ARSG: variants seen among roughly 807,000 people sequenced by gnomAD.
ARSG encodes the protein ASG.
A neutral mutation model predicts 50.5 loss-of-function variants in ARSG; 37 were observed. That is an observed-to-expected ratio of 0.73 (90% CI 0.56 to 0.96). ARSG has a LOEUF of 0.96. Among genes scored for constraint, ARSG ranks in the 50% least tolerant of loss-of-function variants. The probability of loss-of-function intolerance (pLI) is 0.00; values close to 1 mark genes in which losing one functional copy is unlikely to be tolerated. For missense variants in ARSG, 629 were observed against 675.3 expected, an observed-to-expected ratio of 0.93 and a Z score of 0.76; for synonymous variants, 225 against 254.6, an observed-to-expected ratio of 0.88 and a Z score of 1.11.
intron 9 of ARSG, among the ~76,000 whole-genome samples, chr17:68,386,967 CGGT>C (rs2080757370): frequency 6.6e-6 from 1 of 151,788 alleles, no homozygotes; most frequent in South Asian, 2.1e-4. Context: ...CACACCGTAT[CGGT>C]ACCTCCTAGG....
chr17:68,404,409 G>A (rs2081615806), intron 11 of ARSG, among the ~76,000 whole-genome samples: 1 of 152,326 alleles, frequency 6.6e-6, no homozygotes, highest in African/African-American at 2.4e-5. Flanking sequence ...ATAATTTGGT[G>A]AGGTTTTATA....
At chr17:68,449,744 C>CAGA in the ARSG span, among the ~76,000 whole-genome samples, 1 of 152,220 alleles carries the variant, frequency 6.6e-6, no homozygotes, top group African/African-American at 2.4e-5. Context: ...GTACAGCCTG[C>CAGA]AGAACCTTGA....
intron 1 of ARSG, among the ~76,000 whole-genome samples, chr17:68,306,314 A>ATT (rs1555764030): frequency 5.3e-5 from 8 of 151,102 alleles, no homozygotes; most frequent in African/African-American, 1.9e-4. Flanking sequence ...AATTTCTTGA[A>ATT]CCCGGGAGGC....
At chr17:68,440,793 T>G in the ARSG span, 1 of 152,216 alleles carries the variant, frequency 6.6e-6, no homozygotes, top group Non-Finnish European at 1.5e-5. Context: ...ATTCTCATCT[T>G]GGTATTTAAA....
chr17:68,328,281 G>C (rs188574321), intron 2 of ARSG, among the ~76,000 whole-genome samples: 61 of 152,230 alleles, frequency 4.0e-4, no homozygotes, highest in Admixed American at 3.7e-3. Flanking sequence ...AACCTACTCT[G>C]TGCTGGATGC....
intron 2 of ARSG, among the ~76,000 whole-genome samples, chr17:68,318,717 C>G (rs2077167810): frequency 6.6e-6 from 1 of 152,162 alleles, no homozygotes; most frequent in Admixed American, 6.6e-5. Context: ...CTGCTTTCCC[C>G]CTTCTCTACC....
At chr17:68,435,677 T>C in the ARSG span, 2 of 1,614,216 alleles carry the variant, frequency 1.2e-6, no homozygotes, top group Non-Finnish European at 1.7e-6. Context: ...TGGCAGCTAG[T>C]GTTCCCTCAT....
chr17:68,272,634 C>G, intron 1 of ARSG: 1 of 1,613,746 alleles, frequency 6.2e-7, no homozygotes, highest in Non-Finnish European at 8.5e-7. Flanking sequence ...TTGTAGTCCA[C>G]CTACCTGGTG....
intron 9 of ARSG, 108 bp downstream of exon 9, chr17:68,385,280 C>G: frequency 2.2e-6 from 2 of 900,544 alleles, no homozygotes; most frequent in African/African-American, 1.6e-5. Context: ...GCATGGGTGG[C>G]TAGAGGCCTC....
chr17:68,419,944 G>C (rs2082659266), intron 11 of ARSG, among the ~76,000 whole-genome samples: 1 of 152,114 alleles, frequency 6.6e-6, no homozygotes, highest in Admixed American at 6.6e-5. Flanking sequence ...GGGCAACGAA[G>C]CCAGACCCTG....
At chr17:68,366,872 C>T (rs1369889516) in intron 6 of ARSG, among the ~76,000 whole-genome samples, 1 of 152,116 alleles carries the variant, frequency 6.6e-6, no homozygotes, top group Non-Finnish European at 1.5e-5. Flanking sequence ...TGAAACTGTA[C>T]CCATGAAACA....
chr17:68,440,921 T>C, the ARSG span: 2 of 152,336 alleles, frequency 1.3e-5, no homozygotes, highest in African/African-American at 4.8e-5. Flanking sequence ...GACATCTTCT[T>C]TGTACAGCAA....
intron 11 of ARSG, among the ~76,000 whole-genome samples, chr17:68,403,576 A>C (rs907804789): frequency 6.6e-6 from 1 of 152,220 alleles, no homozygotes; most frequent in Non-Finnish European, 1.5e-5. Flanking sequence ...CATCTACTAC[A>C]TTAGATTAGA....
intron 6 of ARSG, among the ~76,000 whole-genome samples, chr17:68,362,130 A>C (rs2079319312): frequency 6.6e-6 from 1 of 152,072 alleles, no homozygotes; most frequent in East Asian, 1.9e-4. Flanking sequence ...TCATGAGCTC[A>C]TGCCTGGGAT....
At chr17:68,301,142 T>C (rs2076402389) in intron 1 of ARSG, among the ~76,000 whole-genome samples, 1 of 151,546 alleles carries the variant, frequency 6.6e-6, no homozygotes, top group Non-Finnish European at 1.5e-5. Flanking sequence ...AGCATTTTAA[T>C]TACGTAAGTG....
chr17:68,374,870 GAGAA>G (rs576793066), intron 8 of ARSG, among the ~76,000 whole-genome samples: 49 of 148,300 alleles, frequency 3.3e-4, no homozygotes, highest in Admixed American at 2.8e-3. Flanking sequence ...AAAAAGAAAA[GAGAA>G]AGAAAACAGA....
chr17:68,308,613 AG>A (rs1375071350), intron 2 of ARSG, among the ~76,000 whole-genome samples: 1 of 152,194 alleles, frequency 6.6e-6, no homozygotes, highest in East Asian at 1.9e-4. Context: ...CAGTGTGGAA[AG>A]GGACCTGAGC....
At chr17:68,306,047 G>GCCT (rs2076594585) in intron 1 of ARSG, among the ~76,000 whole-genome samples, 1 of 151,534 alleles carries the variant, frequency 6.6e-6, no homozygotes, top group Non-Finnish European at 1.5e-5. Context: ...TTGTTGCCCA[G>GCCT]GCTGGAGTGC....
intron 6 of ARSG, among the ~76,000 whole-genome samples, chr17:68,358,899 C>T (rs1231239012): frequency 1.3e-5 from 2 of 151,958 alleles, no homozygotes; most frequent in South Asian, 2.1e-4. Flanking sequence ...CGTGGTGGCT[C>T]ACGCCTGTAA....
Sources: allele counts gnomAD v4.1 joint callset (sites outside exome capture counted in the v4.1 genomes callset), GRCh38; gene constraint gnomAD v4.1.1; transcripts MANE v1.5; gene names NCBI Gene and HGNC (gene_info 2026-07-23, HGNC 2026-07-21).